JMJD1C: variants seen among roughly 807,000 people sequenced by gnomAD.
JMJD1C encodes the protein jumonji domain-containing protein 1C.
A neutral mutation model predicts 245.3 loss-of-function variants in JMJD1C; 31 were observed. The ratio of observed to expected loss-of-function variants is 0.13; its 90% confidence interval spans 0.09 to 0.17. The LOEUF is 0.17. Among genes scored for constraint, JMJD1C ranks in the 10% least tolerant of loss-of-function variants. The pLI, the probability that JMJD1C is intolerant of heterozygous loss-of-function variation, is 1.00. For synonymous variants in JMJD1C, 1,057 were observed against 1,017.4 expected (o/e 1.04, Z -0.74); for missense variants, 2,691 against 3,000.2 (o/e 0.90, Z 2.41).
At chr10:63,445,461 A>G (rs931785991) in intron 1 of JMJD1C, among the ~76,000 whole-genome samples, 23 of 152,200 alleles carry the variant, frequency 1.5e-4, no homozygotes, top group African/African-American at 5.3e-4. Context: ...TGCAAAGGCC[A>G]TAAGGGGAGA....
intron 2 of JMJD1C, among the ~76,000 whole-genome samples, chr10:63,329,604 A>G (rs1400809253): frequency 6.6e-6 from 1 of 152,158 alleles, no homozygotes; most frequent in Admixed American, 6.5e-5. Context: ...ATAAAAACAA[A>G]TCCACATATG....
At chr10:63,305,683 T>TGTG (rs71025152) in intron 2 of JMJD1C, among the ~76,000 whole-genome samples, 54 of 146,466 alleles carry the variant, frequency 3.7e-4, no homozygotes, top group South Asian at 6.6e-4. Flanking sequence ...TGTGTGTGTG[T>TGTG]TGAAAGATCT....
At chr10:63,358,677 T>A (rs1234177396) in intron 2 of JMJD1C, 1 of 152,116 alleles carries the variant, frequency 6.6e-6, no homozygotes, top group Non-Finnish European at 1.5e-5. Context: ...AAAAGCTGTA[T>A]AAAAGTTTGA....
chr10:63,201,547 G>A (rs150273069), intron 10 of JMJD1C, among the ~76,000 whole-genome samples: 13 of 152,212 alleles, frequency 8.5e-5, no homozygotes, highest in Middle Eastern at 3.4e-3. Flanking sequence ...CAAGAAATCC[G>A]TCATCTAGAG....
chr10:63,222,485 G>A, intron 3 of JMJD1C: 1 of 1,015,076 alleles, frequency 9.9e-7, no homozygotes, highest in Non-Finnish European at 1.6e-6. Flanking sequence ...TGTGGCAGTA[G>A]GAGAATGTGG....
intron 3 of JMJD1C, among the ~76,000 whole-genome samples, chr10:63,231,606 C>T (rs1045216696): frequency 6.6e-6 from 1 of 152,078 alleles, no homozygotes; most frequent in Non-Finnish European, 1.5e-5. Context: ...TCAGCCTGAG[C>T]AACATGGTGA....
intron 1 of JMJD1C, among the ~76,000 whole-genome samples, chr10:63,452,928 T>C (rs1952163603): frequency 1.3e-5 from 2 of 152,200 alleles, no homozygotes; most frequent in African/African-American, 4.8e-5. Context: ...TGGATAGTAC[T>C]GATAATTTCA....
Position 63,344,239 on chromosome 10 carries a change from AT to A in JMJD1C, c.333+36078del, listed in dbSNP as rs377369395. The stretch of plus-strand genomic sequence containing the variant: ...GTATTTCCTTTACCTTTTATATCAT[AT>A]TTTTTTGTACCTTTTCTATGTTTAG... On this transcript the variant is annotated intron_variant, in intron 2 of 25. Transcript: ENST00000399262. Among the ~76,000 whole-genome samples, 19 of 152,154 alleles carry A rather than the reference AT, an allele frequency of 1.2e-4. 1 individual carries two copies. In the South Asian group the frequency reaches 2.7e-3, roughly 22 times the overall value.
At chr10:63,254,859 C>CTT (rs141992090) in intron 3 of JMJD1C, among the ~76,000 whole-genome samples, 75 of 146,484 alleles carry the variant, frequency 5.1e-4, no homozygotes, top group African/African-American at 1.8e-3. Context: ...AGCTCCCCCC[C>CTT]TTTTTTTTTT....
intron 3 of JMJD1C, among the ~76,000 whole-genome samples, chr10:63,256,287 G>T (rs574673973): frequency 6.6e-6 from 1 of 152,130 alleles, no homozygotes; most frequent in South Asian, 2.1e-4. Context: ...CAAATGAAGA[G>T]CTCCTTTTTT....
At chr10:63,379,774 C>T (rs1347858389) in intron 2 of JMJD1C, among the ~76,000 whole-genome samples, 1 of 152,128 alleles carries the variant, frequency 6.6e-6, no homozygotes, top group Non-Finnish European at 1.5e-5. Context: ...ACTACATACG[C>T]TGACAGAATA....
At chr10:63,368,849 T>C (rs547211119) in intron 2 of JMJD1C, among the ~76,000 whole-genome samples, 3 of 152,008 alleles carry the variant, frequency 2.0e-5, no homozygotes, top group Admixed American at 6.6e-5. Flanking sequence ...GGTTTAGCCA[T>C]GTTGGCCAGG....
In JMJD1C at chr10:63,194,317, A is replaced by G. The variant is rs773537274; in HGVS notation, c.5703T>C (p.His1901=). The G allele has an allele frequency of 6.8e-6, 11 of 1,612,884 alleles. No individual in the cohort carries two copies. Among genetic ancestry groups the G allele is most frequent in the Non-Finnish European group, 8.5e-6 (10 of 1,179,114 alleles). Residue 1901 remains histidine, a synonymous_variant, in exon 14 of 26, where the codon CAT becomes CAC. Transcript: ENST00000399262. The part of the protein sequence containing the change: ...CVKGQPHDHK[H]LMPTQIIPGS... Reference sequence around the variant, plus strand: ...CAGGTATAATTTGGGTTGGCATTAAATGTTTGTGATCATGAGGCTGTCCCT... The same window carrying G: ...CAGGTATAATTTGGGTTGGCATTAAGTGTTTGTGATCATGAGGCTGTCCCT...
At chr10:63,387,588 C>A (rs1947708343) in intron 1 of JMJD1C, among the ~76,000 whole-genome samples, 1 of 147,492 alleles carries the variant, frequency 6.8e-6, no homozygotes, top group African/African-American at 2.5e-5. Flanking sequence ...ACTTGACAGA[C>A]CTTTTGAAAT....
intron 2 of JMJD1C, chr10:63,269,126 C>T: frequency 1.0e-6 from 1 of 985,444 alleles, no homozygotes; most frequent in Non-Finnish European, 1.2e-6. Context: ...AGAGAACAGC[C>T]ATCCATCAGC....
At chr10:63,223,890 A>ATT (rs1848937960) in intron 3 of JMJD1C, among the ~76,000 whole-genome samples, 1 of 151,880 alleles carries the variant, frequency 6.6e-6, no homozygotes, top group South Asian at 2.1e-4. Flanking sequence ...AGTACCTGGG[A>ATT]TTACAGGTGC....
intron 1 of JMJD1C, among the ~76,000 whole-genome samples, chr10:63,509,716 T>C (rs1265766262): frequency 1.3e-5 from 2 of 152,218 alleles, no homozygotes; most frequent in Non-Finnish European, 2.9e-5. Flanking sequence ...AATATTCCTT[T>C]ATCATCTTTT....
At chr10:63,518,624 G>C (rs1955101382) in intron 1 of JMJD1C, among the ~76,000 whole-genome samples, 2 of 152,164 alleles carry the variant, frequency 1.3e-5, no homozygotes, top group African/African-American at 4.8e-5. Flanking sequence ...TTAAAATTCA[G>C]TCTCAGTTAA....
In JMJD1C at chr10:63,200,452, TCCCAA is replaced by T; in HGVS notation, c.5276+19_5276+23del. 1 of 1,564,320 alleles carries T rather than the reference TCCCAA, an allele frequency of 6.4e-7. No homozygotes were observed. The highest frequency in any genetic ancestry group is 1.7e-5 in the Admixed American group (1 of 59,446). ...ATATCAAATCAATAAATTACTTTTTTCCCAATCTCATATTTTCACTTACCGTCTAA... is the reference window on the plus strand; with the variant it reads ...ATATCAAATCAATAAATTACTTTTTTTCTCATATTTTCACTTACCGTCTAA... On this transcript the variant is annotated intron_variant, in intron 11 of 25. Coordinates refer to ENST00000399262, the MANE Select transcript of JMJD1C (RefSeq NM_032776.3).
Sources: gnomAD v4.1 joint callset for allele counts (sites outside exome capture counted in the v4.1 genomes callset) on GRCh38, gnomAD v4.1.1 for gene constraint, MANE v1.5 for transcripts, NCBI Gene and HGNC (gene_info 2026-07-23, HGNC 2026-07-21) for gene names.